The following CFAP61 variants were observed in gnomAD, a reference collection of about 807,000 sequenced individuals.
The protein encoded by CFAP61 is cilia- and flagella-associated protein 61.
In CFAP61, 107 loss-of-function variants were observed where a neutral mutation model predicts 135.6. That is an observed-to-expected ratio of 0.79 (90% CI 0.67 to 0.93). The LOEUF (loss-of-function observed/expected upper bound fraction) is 0.93. Ranked by LOEUF, CFAP61 falls within the 40% of genes least tolerant of loss-of-function variation. The pLI, the probability that CFAP61 is intolerant of heterozygous loss-of-function variation, is 0.00. For missense variants in CFAP61, 1,507 were observed against 1,556.2 expected (o/e 0.97, Z 0.53); for synonymous variants, 575 against 578.5 (o/e 0.99, Z 0.09).
intron 25 of CFAP61, among the ~76,000 whole-genome samples, chr20:20,312,708 G>A (rs1191397165): frequency 6.6e-6 from 1 of 152,098 alleles, no homozygotes; most frequent in Non-Finnish European, 1.5e-5. Context: ...CAAAAGACAC[G>A]GGCACATTCT....
rs750861681 is a variant in CFAP61 at position 20,159,386 on chromosome 20, A to G, written c.968A>G (p.Glu323Gly). Reference protein sequence around the residue: ...MENIQGNIAREAASEEALTAV... With the variant: ...MENIQGNIARGAASEEALTAV... Reference sequence around the variant, plus strand: ...CATTTCCAGGGAAATATTGCCAGAGAAGCTGCATCCGAGGAAGCTTTAACA... The same window carrying G: ...CATTTCCAGGGAAATATTGCCAGAGGAGCTGCATCCGAGGAAGCTTTAACA... Residue 323 changes from glutamate (E) to glycine (G), a missense_variant, in exon 10 of 27, where the codon GAA (glutamate) becomes GGA (glycine). Transcript: ENST00000245957. The G allele has an allele frequency of 6.2e-7, 1 of 1,613,948 alleles. No individual in the cohort carries two copies. The highest frequency in any genetic ancestry group is 8.5e-7 in the Non-Finnish European group (1 of 1,179,818).
chr20:20,213,990 A>G (rs1232806830), intron 17 of CFAP61, among the ~76,000 whole-genome samples: 1 of 151,610 alleles, frequency 6.6e-6, no homozygotes, highest in African/African-American at 2.4e-5. Flanking sequence ...CACAACTTTG[A>G]AAGAAATGAG....
intron 25 of CFAP61, among the ~76,000 whole-genome samples, chr20:20,303,162 T>C (rs1219321269): frequency 6.6e-6 from 1 of 152,174 alleles, no homozygotes; most frequent in Non-Finnish European, 1.5e-5. Flanking sequence ...TTTTGGTTGG[T>C]GGGGAATGAT....
At chr20:20,100,623 A>G (rs1358243323) in intron 8 of CFAP61, among the ~76,000 whole-genome samples, 1 of 152,212 alleles carries the variant, frequency 6.6e-6, no homozygotes, top group Non-Finnish European at 1.5e-5. Flanking sequence ...CTGAACATTT[A>G]AAAATATTTT....
chr20:20,164,364 A>G, intron 11 of CFAP61, 136 bp downstream of exon 11: 1 of 832,562 alleles, frequency 1.2e-6, no homozygotes, highest in Non-Finnish European at 1.8e-6. Flanking sequence ...TTTTTAAAAC[A>G]CAAATTCCTA....
intron 12 of CFAP61, among the ~76,000 whole-genome samples, chr20:20,167,975 G>A (rs1344494049): frequency 6.6e-6 from 1 of 152,192 alleles, no homozygotes; most frequent in Non-Finnish European, 1.5e-5. Context: ...CAGACATGGA[G>A]TGTGAGCCAC....
chr20:20,216,067 C>A (rs1051597920), intron 17 of CFAP61, among the ~76,000 whole-genome samples: 3 of 152,124 alleles, frequency 2.0e-5, no homozygotes, highest in African/African-American at 7.2e-5. Flanking sequence ...GCAAAGGTGA[C>A]GATTTTATAG....
At chr20:20,190,422 G>T (rs1414574971) in intron 14 of CFAP61, among the ~76,000 whole-genome samples, 1 of 152,188 alleles carries the variant, frequency 6.6e-6, no homozygotes, top group Non-Finnish European at 1.5e-5. Context: ...TTTTAGAAAT[G>T]GAGAACAGGT....
intron 8 of CFAP61, among the ~76,000 whole-genome samples, chr20:20,103,457 A>AT (rs61652239): frequency 0.043 from 6,576 of 152,050 alleles, 214 homozygotes; most frequent in Non-Finnish European, 0.071. Context: ...GTAGAAGTGT[A>AT]TTTTTTTTAT....
In CFAP61 at chr20:20,119,175, A is replaced by G. The variant is rs556185642; in HGVS notation, c.859+20361A>G. 2.2e-4 allele frequency among the ~76,000 whole-genome samples: 33 copies of G among 152,198 alleles called. 1 individual carries two copies. Among genetic ancestry groups the G allele is most frequent in the Admixed American group, 1.7e-3 (26 of 15,288 alleles). ...TATTCCCTCCTCTTCAATTTTTTTG[A>G]AGAGTTACAGTAAAATTAGTATTCG... On this transcript the variant is annotated intron_variant, in intron 8 of 26. Transcript: ENST00000245957.
intron 13 of CFAP61, among the ~76,000 whole-genome samples, chr20:20,180,296 T>C (rs1477972090): frequency 6.7e-6 from 1 of 150,320 alleles, no homozygotes; most frequent in Non-Finnish European, 1.5e-5. Flanking sequence ...GCCACTGCAC[T>C]CCAGCCTGGG....
At chr20:20,208,830 TC>T (rs2047424464) in intron 17 of CFAP61, among the ~76,000 whole-genome samples, 1 of 152,130 alleles carries the variant, frequency 6.6e-6, no homozygotes, top group Non-Finnish European at 1.5e-5. Context: ...ACCCAGCACA[TC>T]CATCCACTGT....
intron 13 of CFAP61, among the ~76,000 whole-genome samples, chr20:20,178,977 A>C (rs1338170480): frequency 6.6e-6 from 1 of 152,188 alleles, no homozygotes; most frequent in Non-Finnish European, 1.5e-5. Flanking sequence ...AAAGACTCAG[A>C]TCACTTTTTC....
chr20:20,305,331 G>A (rs2056405408), intron 25 of CFAP61, among the ~76,000 whole-genome samples: 1 of 152,176 alleles, frequency 6.6e-6, no homozygotes, highest in Admixed American at 6.5e-5. Flanking sequence ...AGCCCACGTG[G>A]CCCCCTAATT....
In CFAP61 at chr20:20,298,267, G is replaced by A. The variant is rs781243966; in HGVS notation, c.3303G>A (p.Thr1101=). Reference sequence around the variant, plus strand: ...AGTATAAAATGGTGGAAACCATCACGTGCCTTTCTAGGGAGCCCTTCCCCG... The same window carrying A: ...AGTATAAAATGGTGGAAACCATCACATGCCTTTCTAGGGAGCCCTTCCCCG... ...INKYKMVETI[T]CLSREPFPAS... The change falls in exon 25 of 27, where the codon ACG becomes ACA. Residue 1101 remains threonine (T), a synonymous_variant. Transcript: ENST00000245957. 1.5e-5 allele frequency: 25 copies of A among 1,613,922 alleles called. No individual in the cohort carries two copies. Among genetic ancestry groups the A allele is most frequent in the South Asian group, 1.3e-4 (12 of 91,082 alleles).
At chr20:20,296,727 A>G (rs1212224785) in intron 24 of CFAP61, among the ~76,000 whole-genome samples, 1 of 152,224 alleles carries the variant, frequency 6.6e-6, no homozygotes, top group Non-Finnish European at 1.5e-5. Context: ...ACATTTTGTG[A>G]AAATGTTGAT....
At chr20:20,205,590 C>T (rs1601394236) in intron 17 of CFAP61, among the ~76,000 whole-genome samples, 1 of 152,202 alleles carries the variant, frequency 6.6e-6, no homozygotes, top group Non-Finnish European at 1.5e-5. Flanking sequence ...GACCCACAGA[C>T]GATTGCATTT....
chr20:20,129,613 G>A (rs116452984), intron 8 of CFAP61, among the ~76,000 whole-genome samples: 77 of 147,624 alleles, frequency 5.2e-4, no homozygotes, highest in African/African-American at 1.9e-3. Flanking sequence ...TCAAATTTTG[G>A]AAAGTTTTTT....
At chr20:20,185,262 G>C (rs538437050) in intron 13 of CFAP61, among the ~76,000 whole-genome samples, 1 of 152,224 alleles carries the variant, frequency 6.6e-6, no homozygotes, top group Admixed American at 6.5e-5. Flanking sequence ...GAGTATAAGA[G>C]TCTTGTGATC....
Sources: allele counts gnomAD v4.1 joint callset (sites outside exome capture counted in the v4.1 genomes callset), GRCh38; gene constraint gnomAD v4.1.1; transcripts MANE v1.5; gene names NCBI Gene and HGNC (gene_info 2026-07-23, HGNC 2026-07-21).